The following ARHGEF3 variants were observed in gnomAD, a reference collection of about 807,000 sequenced individuals.
ARHGEF3 encodes the protein Rho guanine nucleotide exchange factor 3, also known as 59.8 kDA protein.
ARHGEF3 carries 28 observed loss-of-function variants against 63.2 expected under a neutral mutation model. The ratio of observed to expected loss-of-function variants is 0.44; its 90% CI spans 0.33 to 0.61. ARHGEF3 has a LOEUF of 0.61. Ranked by LOEUF, ARHGEF3 falls within the 20% of genes least tolerant of loss-of-function variation. The probability of loss-of-function intolerance (pLI) is 0.03; values close to 1 mark genes in which losing one functional copy is unlikely to be tolerated. For missense variants in ARHGEF3, 533 were observed against 659.3 expected, an observed-to-expected ratio of 0.81 and a Z score of 2.10; for synonymous variants, 266 against 254.2, an observed-to-expected ratio of 1.05 and a Z score of -0.44.
chr3:56,742,047 C>T (rs2034072815), intron 7 of ARHGEF3, among the ~76,000 whole-genome samples: 1 of 152,196 alleles, frequency 6.6e-6, no homozygotes, highest in Non-Finnish European at 1.5e-5. Flanking sequence ...TCAAAGTGGA[C>T]TCTGAAAGCC....
At chr3:56,816,063 A>C (rs1202015148) in intron 4 of ARHGEF3, among the ~76,000 whole-genome samples, 2 of 152,108 alleles carry the variant, frequency 1.3e-5, no homozygotes, top group Non-Finnish European at 1.5e-5. Context: ...AAAATGTAAA[A>C]ATTTAGGAGG....
intron 2 of ARHGEF3, among the ~76,000 whole-genome samples, chr3:57,001,287 C>A (rs868454834): frequency 6.6e-6 from 1 of 152,194 alleles, no homozygotes; most frequent in East Asian, 1.9e-4. Context: ...GACTTATCCA[C>A]GTTGATGCAT....
At chr3:57,066,859 G>A (rs374076134) in intron 1 of ARHGEF3, among the ~76,000 whole-genome samples, 4 of 152,098 alleles carry the variant, frequency 2.6e-5, no homozygotes, top group East Asian at 1.9e-4. Context: ...TGGGCTCACT[G>A]CAACTCTTCC....
intron 4 of ARHGEF3, among the ~76,000 whole-genome samples, chr3:56,822,656 C>A (rs1419195215): frequency 6.6e-6 from 1 of 151,998 alleles, no homozygotes; most frequent in Non-Finnish European, 1.5e-5. Context: ...AGCTCAAGAC[C>A]AGCCTGGGCA....
chr3:56,962,432 C>A (rs754911924), intron 2 of ARHGEF3, among the ~76,000 whole-genome samples: 2 of 152,212 alleles, frequency 1.3e-5, no homozygotes, highest in African/African-American at 2.4e-5. Flanking sequence ...GCGTGTCTAT[C>A]GTCTGTGTCC....
intron 1 of ARHGEF3, among the ~76,000 whole-genome samples, chr3:57,067,704 A>G (rs980355162): frequency 2.0e-5 from 3 of 150,956 alleles, no homozygotes; most frequent in Non-Finnish European, 4.4e-5. Flanking sequence ...GCGTGAGACC[A>G]GGCACGGTGG....
intron 1 of ARHGEF3, chr3:57,035,325 C>T (rs1468976130): frequency 2.1e-6 from 1 of 479,460 alleles, no homozygotes; most frequent in Non-Finnish European, 3.6e-6. Flanking sequence ...CATAATTATT[C>T]AAGTTTTATC....
chr3:56,803,013 C>A (rs1259767276), upstream of ARHGEF3, among the ~76,000 whole-genome samples: 1 of 151,342 alleles, frequency 6.6e-6, no homozygotes, highest in Non-Finnish European at 1.5e-5. Flanking sequence ...AATACAATAC[C>A]ATTTGTGTTA....
intron 6 of ARHGEF3, among the ~76,000 whole-genome samples, chr3:56,748,866 G>C (rs1331276333): frequency 6.6e-6 from 1 of 152,138 alleles, no homozygotes; most frequent in Non-Finnish European, 1.5e-5. Context: ...AGGTCAAAAG[G>C]ACTGGCCAGG....
At chr3:56,887,591 A>C (rs1330248333) in intron 3 of ARHGEF3, among the ~76,000 whole-genome samples, 1 of 152,098 alleles carries the variant, frequency 6.6e-6, no homozygotes, top group Non-Finnish European at 1.5e-5. Flanking sequence ...TGCATAAAAA[A>C]CCACTGATCA....
intron 2 of ARHGEF3, among the ~76,000 whole-genome samples, chr3:56,980,122 T>G (rs375206162): frequency 1.9e-4 from 29 of 152,294 alleles, no homozygotes; most frequent in African/African-American, 6.7e-4. Flanking sequence ...CTTAATACCC[T>G]TAACCTACCA....
intron 3 of ARHGEF3, among the ~76,000 whole-genome samples, chr3:56,935,021 A>G (rs1375252774): frequency 1.3e-5 from 2 of 152,182 alleles, no homozygotes; most frequent in African/African-American, 2.4e-5. Flanking sequence ...GGGTTTGTGA[A>G]TGCACCAATC....
At chr3:56,888,351 A>C (rs1314703584) in intron 3 of ARHGEF3, among the ~76,000 whole-genome samples, 1 of 152,168 alleles carries the variant, frequency 6.6e-6, no homozygotes, top group Non-Finnish European at 1.5e-5. Context: ...GTAATCCAAG[A>C]TTGATAACAC....
rs893978988 is a variant in ARHGEF3, at chr3:56,959,028, T to A, written c.63-139A>T. On this transcript the variant is annotated intron_variant, in intron 2 of 12. Coordinates refer to the ARHGEF3 transcript ENST00000338458. ...CAAGGTGGATGGAGTTTTCAACAGCTCTGCAATCTTCAGCAGCCAAATTCA... is the reference window on the plus strand; with the variant it reads ...CAAGGTGGATGGAGTTTTCAACAGCACTGCAATCTTCAGCAGCCAAATTCA... 4.6e-6 allele frequency: 4 copies of A among 863,662 alleles called. No individual in the cohort carries two copies. The African/African-American group carries it at 6.7e-5, about 15-fold the overall frequency. The allele number at this position is 863,662 out of a possible 1,614,324, so 53.5% of individuals were successfully genotyped here.
intron 1 of ARHGEF3, among the ~76,000 whole-genome samples, chr3:57,055,213 G>A (rs1704869048): frequency 6.8e-6 from 1 of 147,652 alleles, no homozygotes; most frequent in Non-Finnish European, 1.5e-5. Context: ...CCAGACTGGA[G>A]AGCAGTGGCG....
upstream of ARHGEF3, chr3:56,802,096 G>A: frequency 2.0e-6 from 2 of 1,007,810 alleles, no homozygotes; most frequent in Non-Finnish European, 2.6e-6. Context: ...GAGGGGCGTG[G>A]GGCGGTCCCG....
intron 1 of ARHGEF3, among the ~76,000 whole-genome samples, chr3:56,779,375 T>G (rs2036440565): frequency 6.6e-6 from 1 of 152,200 alleles, no homozygotes; most frequent in Non-Finnish European, 1.5e-5. Context: ...AGGTTGGTAG[T>G]TGTCAAAGCT....
At chr3:56,802,255 G>A (rs1402185713), upstream of ARHGEF3, among the ~76,000 whole-genome samples, 1 of 152,196 alleles carries the variant, frequency 6.6e-6, no homozygotes, top group Non-Finnish European at 1.5e-5. Flanking sequence ...CTGGTAGAAA[G>A]GAGGCTGGGG....
upstream of ARHGEF3, among the ~76,000 whole-genome samples, chr3:56,806,270 G>A (rs926741705): frequency 6.6e-6 from 1 of 152,174 alleles, no homozygotes; most frequent in Admixed American, 6.5e-5. Flanking sequence ...CCCTGCAGGA[G>A]GGCCTCCAAG....
Sources: gnomAD v4.1 joint callset for allele counts (sites outside exome capture counted in the v4.1 genomes callset) on GRCh38, gnomAD v4.1.1 for gene constraint, MANE v1.5 for transcripts, NCBI Gene and HGNC (gene_info 2026-07-23, HGNC 2026-07-21) for gene names.